ARMH3: variants seen among roughly 807,000 people sequenced by gnomAD.
ARMH3 encodes the protein armadillo like helical domain containing 3.
Under a neutral mutation model 99.1 loss-of-function variants are expected in ARMH3, and 60 were observed. That is an observed-to-expected ratio of 0.61 (90% CI 0.49 to 0.75). The LOEUF (loss-of-function observed/expected upper bound fraction) is 0.75, where lower values mean the gene tolerates loss of function less well. Ranked by LOEUF, ARMH3 falls within the 30% of genes least tolerant of loss-of-function variation. ARMH3 has a pLI of 0.00. For synonymous variants in ARMH3, 285 were observed against 292.8 expected (o/e 0.97, Z 0.27); for missense variants, 679 against 843.1 (o/e 0.81, Z 2.41).
intron 1 of ARMH3, among the ~76,000 whole-genome samples, chr10:102,055,828 C>T (rs1358814924): frequency 6.6e-6 from 1 of 152,210 alleles, no homozygotes; most frequent in Non-Finnish European, 1.5e-5. Context: ...GTGACCGGGA[C>T]CGTGTGGTCC....
intron 1 of ARMH3, among the ~76,000 whole-genome samples, chr10:102,046,268 AAGAG>A (rs1279644930): frequency 6.6e-6 from 1 of 151,812 alleles, no homozygotes; most frequent in Non-Finnish European, 1.5e-5. Flanking sequence ...AAGAGAGAAA[AAGAG>A]AGAAAGAGAG....
intron 22 of ARMH3, among the ~76,000 whole-genome samples, chr10:101,945,924 A>C (rs1844498390): frequency 6.6e-6 from 1 of 151,596 alleles, no homozygotes; most frequent in East Asian, 1.9e-4. Context: ...CTCTACTAAA[A>C]TACAAAAAAT....
chr10:101,953,163 T>A (rs1044871598), intron 22 of ARMH3, among the ~76,000 whole-genome samples: 5 of 152,222 alleles, frequency 3.3e-5, no homozygotes, highest in Middle Eastern at 3.2e-3. Flanking sequence ...AGGGTACCAC[T>A]CTGTCACACA....
chr10:101,984,730 C>A (rs1846385346), intron 19 of ARMH3, among the ~76,000 whole-genome samples: 1 of 151,990 alleles, frequency 6.6e-6, no homozygotes, highest in Admixed American at 6.6e-5. Flanking sequence ...TACTATTTAT[C>A]AAGCAGAATG....
intron 8 of ARMH3, among the ~76,000 whole-genome samples, chr10:102,016,928 A>G (rs1287238454): frequency 6.6e-6 from 1 of 152,224 alleles, no homozygotes; most frequent in Non-Finnish European, 1.5e-5. Context: ...AAAATGGAAC[A>G]CATTACTTGA....
intron 13 of ARMH3, among the ~76,000 whole-genome samples, chr10:102,008,944 G>A (rs1444662028): frequency 6.6e-6 from 1 of 152,048 alleles, no homozygotes; most frequent in African/African-American, 2.4e-5. Context: ...ACCTGGCCAG[G>A]ATATTTTTTA....
At chr10:101,847,862 G>T (rs1158920761) in intron 25 of ARMH3, among the ~76,000 whole-genome samples, 1 of 152,202 alleles carries the variant, frequency 6.6e-6, no homozygotes, top group African/African-American at 2.4e-5. Context: ...AAGAGCATCT[G>T]GGCTCCTGGG....
chr10:101,867,901 C>T (rs184470227), intron 24 of ARMH3, among the ~76,000 whole-genome samples: 13 of 148,992 alleles, frequency 8.7e-5, no homozygotes, highest in East Asian at 2.0e-4. Flanking sequence ...CACTTTGGGA[C>T]GCTGAGGCAG....
At chr10:101,963,225 C>T (rs1845381720) in intron 20 of ARMH3, among the ~76,000 whole-genome samples, 1 of 151,932 alleles carries the variant, frequency 6.6e-6, no homozygotes, top group Non-Finnish European at 1.5e-5. Context: ...TCACTGCAAC[C>T]TCCACCTCCC....
Position 101,990,710 on chromosome 10 carries a change from C to A in ARMH3, c.1346-99G>T. 4.6e-6 allele frequency: 4 copies of A among 861,450 alleles called. No individual in the cohort carries two copies. In the East Asian group the frequency reaches 7.3e-5, roughly 16 times the overall value. The allele number at this position is 861,450 out of a possible 1,614,324, so 53.4% of individuals were successfully genotyped here. A position where few individuals can be genotyped will look rare whatever the true frequency, so the allele number is the denominator to read the frequency against. On this transcript the variant is annotated intron_variant, in intron 18 of 25. Transcript: ENST00000370033. ...CTTCTGAGTACACCTTGCACTCACA[C>A]TGAACGGCATCCACTAACCACATCT...
chr10:101,889,727 A>ATGAACT (rs1027121588), intron 23 of ARMH3: 11 of 461,244 alleles, frequency 2.4e-5, no homozygotes, highest in African/African-American at 2.1e-4. Context: ...TGCTCTGCAA[A>ATGAACT]TGAACTAACG....
chr10:102,041,075 C>CATATATATATATATA (rs2067399922), intron 1 of ARMH3, among the ~76,000 whole-genome samples: 1 of 132,008 alleles, frequency 7.6e-6, no homozygotes, highest in Non-Finnish European at 1.6e-5. Context: ...ATTGTGTGTA[C>CATATATATATATATA]ATATATATAT....
chr10:102,027,547 T>C (rs1006882042), intron 5 of ARMH3, among the ~76,000 whole-genome samples: 1 of 152,022 alleles, frequency 6.6e-6, no homozygotes, highest in African/African-American at 2.4e-5. Context: ...CCATTCTGGA[T>C]ATATCAAGCA....
intron 22 of ARMH3, among the ~76,000 whole-genome samples, chr10:101,940,147 C>A (rs573694428): frequency 8.5e-5 from 13 of 152,350 alleles, no homozygotes; most frequent in Admixed American, 7.8e-4. Flanking sequence ...TCTCTAACTT[C>A]TTTTCACTTT....
chr10:102,047,225 A>AT (rs2067578526), intron 1 of ARMH3, among the ~76,000 whole-genome samples: 2 of 151,896 alleles, frequency 1.3e-5, no homozygotes, highest in African/African-American at 2.4e-5. Context: ...AGGATTTTTA[A>AT]TTTTTTTTCA....
chr10:101,898,688 G>GCACA, intron 23 of ARMH3, among the ~76,000 whole-genome samples: 1 of 151,472 alleles, frequency 6.6e-6, no homozygotes, highest in East Asian at 1.9e-4. Flanking sequence ...GCGCACACGC[G>GCACA]CACACACACA....
chr10:101,933,783 C>A (rs1186219431), intron 23 of ARMH3, among the ~76,000 whole-genome samples: 1 of 152,168 alleles, frequency 6.6e-6, no homozygotes, highest in Non-Finnish European at 1.5e-5. Context: ...CAGACAACTG[C>A]AGAATAGAAG....
intron 2 of ARMH3, among the ~76,000 whole-genome samples, chr10:102,035,266 G>A (rs1386608151): frequency 1.3e-5 from 2 of 152,168 alleles, no homozygotes; most frequent in African/African-American, 2.4e-5. Context: ...TCAGGAGGCT[G>A]AGGCAGGAGA....
At chr10:101,910,923 T>A (rs1287722596) in intron 23 of ARMH3, among the ~76,000 whole-genome samples, 1 of 151,874 alleles carries the variant, frequency 6.6e-6, no homozygotes, top group Non-Finnish European at 1.5e-5. Flanking sequence ...ATGGACCACC[T>A]GGGTTCAGGA....
Sources: gnomAD v4.1 joint callset for allele counts (sites outside exome capture counted in the v4.1 genomes callset) on GRCh38, gnomAD v4.1.1 for gene constraint, MANE v1.5 for transcripts, NCBI Gene and HGNC (gene_info 2026-07-23, HGNC 2026-07-21) for gene names.